TMEM132C: variants seen among roughly 807,000 people sequenced by gnomAD.
TMEM132C encodes the protein protein phosphatase 1, regulatory subunit 152.
A neutral mutation model predicts 61.4 loss-of-function variants in TMEM132C; 29 were observed. The ratio of observed to expected loss-of-function variants is 0.47; its 90% confidence interval spans 0.35 to 0.64. TMEM132C has a LOEUF of 0.64. Among genes scored for constraint, TMEM132C ranks in the 30% least tolerant of loss-of-function variants. The probability of loss-of-function intolerance (pLI) is 0.00; values close to 1 mark genes in which losing one functional copy is unlikely to be tolerated. For synonymous variants in TMEM132C, 656 were observed against 633.1 expected (o/e 1.04, Z -0.54); for missense variants, 1,408 against 1,476.9 (o/e 0.95, Z 0.76).
At chr12:128,464,660 G>T (rs550041386) in intron 2 of TMEM132C, among the ~76,000 whole-genome samples, 1 of 152,242 alleles carries the variant, frequency 6.6e-6, no homozygotes, top group Admixed American at 6.5e-5. Context: ...AGCTACTCAG[G>T]AGGCTGAGAT....
chr12:128,468,400 CT>C (rs1399345545), intron 2 of TMEM132C, among the ~76,000 whole-genome samples: 1 of 152,140 alleles, frequency 6.6e-6, no homozygotes, highest in African/African-American at 2.4e-5. Context: ...TCACCACAAC[CT>C]CTGCCTTCCG....
In TMEM132C at chr12:128,704,036, C is replaced by A. The variant is rs1593154821; in HGVS notation, c.2122-1054C>A. Among the ~76,000 whole-genome samples, 3 of 152,256 alleles carry A rather than the reference C, an allele frequency of 2.0e-5. No homozygotes were observed. The East Asian group carries it at 5.8e-4, about 29-fold the overall frequency. On this transcript the variant is annotated intron_variant, in intron 8 of 8. Transcript: ENST00000435159. Reference sequence around the variant, plus strand: ...AAGGGGAGAGGATGTCATTATTGCCCTGGGGAGGAGGCGAGACAGCAGGAA... The same window carrying A: ...AAGGGGAGAGGATGTCATTATTGCCATGGGGAGGAGGCGAGACAGCAGGAA...
At chr12:128,344,595 AAG>A (rs1391849455) in intron 1 of TMEM132C, among the ~76,000 whole-genome samples, 3 of 152,172 alleles carry the variant, frequency 2.0e-5, no homozygotes, top group Non-Finnish European at 4.4e-5. Flanking sequence ...AGAGCAATGA[AAG>A]AGATGTCCAA....
intron 2 of TMEM132C, among the ~76,000 whole-genome samples, chr12:128,434,470 T>A (rs1869504206): frequency 6.6e-6 from 1 of 152,104 alleles, no homozygotes; most frequent in African/African-American, 2.4e-5. Flanking sequence ...GTATTTTTAG[T>A]GGAGATGGGG....
At chr12:128,388,610 C>T (rs923631936) in intron 1 of TMEM132C, among the ~76,000 whole-genome samples, 2 of 152,190 alleles carry the variant, frequency 1.3e-5, no homozygotes, top group African/African-American at 4.8e-5. Flanking sequence ...CAGCTTGGAC[C>T]AGCACTGGGC....
chr12:128,642,388 G>T (rs1954164350), intron 4 of TMEM132C, among the ~76,000 whole-genome samples: 1 of 152,100 alleles, frequency 6.6e-6, no homozygotes, highest in Admixed American at 6.5e-5. Flanking sequence ...TTTTTAAAGG[G>T]AAGGAAGTTC....
intron 7 of TMEM132C, among the ~76,000 whole-genome samples, chr12:128,696,707 T>C (rs1396116514): frequency 6.6e-6 from 1 of 152,164 alleles, no homozygotes; most frequent in African/African-American, 2.4e-5. Context: ...CCTTACACCA[T>C]ATGTGGAAAT....
intron 3 of TMEM132C, among the ~76,000 whole-genome samples, chr12:128,590,548 C>T (rs1404544850): frequency 7.9e-5 from 12 of 152,196 alleles, no homozygotes; most frequent in Admixed American, 7.9e-4. Context: ...CTCCGGGTCT[C>T]CCCCACTGCC....
chr12:128,327,391 TTTG>T (rs1872555682), intron 1 of TMEM132C, among the ~76,000 whole-genome samples: 4 of 149,056 alleles, frequency 2.7e-5, no homozygotes, highest in African/African-American at 1.0e-4. Flanking sequence ...TGTTTGTTTG[TTTG>T]TTTTTTGAGA....
intron 1 of TMEM132C, among the ~76,000 whole-genome samples, chr12:128,389,873 G>A (rs141918015): frequency 1.0e-3 from 154 of 152,272 alleles, no homozygotes; most frequent in African/African-American, 3.5e-3. Context: ...TTTCTGTTTT[G>A]TATTGTTTCA....
intron 1 of TMEM132C, among the ~76,000 whole-genome samples, chr12:128,305,341 GAGAA>G (rs1871733430): frequency 6.6e-6 from 1 of 152,080 alleles, no homozygotes; most frequent in Non-Finnish European, 1.5e-5. Flanking sequence ...TATTTGTAAG[GAGAA>G]AGAGCCTTAA....
At chr12:128,322,769 T>C (rs1340912791) in intron 1 of TMEM132C, among the ~76,000 whole-genome samples, 1 of 152,216 alleles carries the variant, frequency 6.6e-6, no homozygotes, top group Non-Finnish European at 1.5e-5. Context: ...CATGGAATAA[T>C]CTCTAGCCAA....
At chr12:128,302,113 CATCA>C (rs1871618754) in intron 1 of TMEM132C, among the ~76,000 whole-genome samples, 1 of 152,190 alleles carries the variant, frequency 6.6e-6, no homozygotes. Context: ...AGCCAAACCA[CATCA>C]GTTATAAATG....
At chr12:128,694,646 C>T (rs1475526909) in intron 6 of TMEM132C, among the ~76,000 whole-genome samples, 1 of 152,218 alleles carries the variant, frequency 6.6e-6, no homozygotes, top group African/African-American at 2.4e-5. Flanking sequence ...ACCATCAGGG[C>T]TCTTTCCCTG....
chr12:128,697,992 C>T (rs1340402836), intron 8 of TMEM132C, among the ~76,000 whole-genome samples: 1 of 152,196 alleles, frequency 6.6e-6, no homozygotes, highest in Admixed American at 6.5e-5. Context: ...CTCATAAATG[C>T]CTTTGCTCAC....
intron 1 of TMEM132C, among the ~76,000 whole-genome samples, chr12:128,293,046 C>T (rs1342832049): frequency 6.7e-6 from 1 of 149,906 alleles, no homozygotes; most frequent in South Asian, 2.1e-4. Flanking sequence ...AATTTGAAAG[C>T]CGGACAGCAA....
At chr12:128,588,897 T>C (rs760514836) in intron 3 of TMEM132C, among the ~76,000 whole-genome samples, 6 of 152,098 alleles carry the variant, frequency 3.9e-5, no homozygotes, top group Non-Finnish European at 7.4e-5. Context: ...CCAAGATACC[T>C]GGTGTAAGAA....
At chr12:128,272,908 C>T (rs1870569100) in intron 1 of TMEM132C, among the ~76,000 whole-genome samples, 1 of 152,028 alleles carries the variant, frequency 6.6e-6, no homozygotes, top group African/African-American at 2.4e-5. Flanking sequence ...AATGCAAGTC[C>T]TTTGTCAGAT....
At chr12:128,429,546 CTT>C (rs1442190576) in intron 2 of TMEM132C, among the ~76,000 whole-genome samples, 1 of 152,186 alleles carries the variant, frequency 6.6e-6, no homozygotes, top group African/African-American at 2.4e-5. Flanking sequence ...AGCTCTGTCT[CTT>C]TGAAATGCTC....
Sources: gnomAD v4.1 joint callset for allele counts (sites outside exome capture counted in the v4.1 genomes callset) on GRCh38, gnomAD v4.1.1 for gene constraint, MANE v1.5 for transcripts, NCBI Gene and HGNC (gene_info 2026-07-23, HGNC 2026-07-21) for gene names.